The following MELK variants were observed in gnomAD, a reference collection of about 807,000 sequenced individuals.
The protein encoded by MELK is pEg3 kinase.
Under a neutral mutation model 85.0 loss-of-function variants are expected in MELK, and 81 were observed. The ratio of observed to expected loss-of-function variants is 0.95; its 90% CI spans 0.80 to 1.15. The LOEUF is 1.15. Ranked by LOEUF, MELK falls within the 50% of genes most tolerant of loss-of-function variation. The pLI, the probability that MELK is intolerant of heterozygous loss-of-function variation, is 0.00. For synonymous variants in MELK, 252 were observed against 265.0 expected, an observed-to-expected ratio of 0.95 and a Z score of 0.48; for missense variants, 754 against 777.5, an observed-to-expected ratio of 0.97 and a Z score of 0.36.
chr9:36,630,290 T>C lies in MELK; in HGVS notation c.667-9T>C. ...GAACCTGAATCTCTTAAATGCTTTG[T>C]TTTTGTAGAGAGGAAAATATGATGT... On this transcript the variant is annotated splice_polypyrimidine_tract_variant and intron_variant, in intron 8 of 17. Coordinates refer to ENST00000298048, the MANE Select transcript of MELK (RefSeq NM_014791.4). 6.2e-7 allele frequency: 1 copy of C among 1,607,520 alleles called. No homozygotes were observed. Among genetic ancestry groups the C allele is most frequent in the Non-Finnish European group, 8.5e-7 (1 of 1,174,412 alleles).
intron 8 of MELK, among the ~76,000 whole-genome samples, chr9:36,610,727 A>C (rs1825990106): frequency 6.6e-6 from 1 of 152,214 alleles, no homozygotes; most frequent in Non-Finnish European, 1.5e-5. Context: ...ATCAGGATAC[A>C]GGGGAGAGTA....
At chr9:36,626,231 A>C (rs975325247) in intron 8 of MELK, among the ~76,000 whole-genome samples, 13 of 152,148 alleles carry the variant, frequency 8.5e-5, no homozygotes, top group Admixed American at 5.2e-4. Context: ...GAAGCATGAC[A>C]AGATAACGAA....
At chr9:36,623,099 T>C (rs1022282849) in intron 8 of MELK, among the ~76,000 whole-genome samples, 1 of 152,230 alleles carries the variant, frequency 6.6e-6, no homozygotes, top group Non-Finnish European at 1.5e-5. Context: ...TGTCATGCAT[T>C]GTAGGATGTT....
At chr9:36,628,384 G>A (rs947985131) in intron 8 of MELK, among the ~76,000 whole-genome samples, 1 of 151,902 alleles carries the variant, frequency 6.6e-6, no homozygotes, top group Non-Finnish European at 1.5e-5. Context: ...TGTGACCTTT[G>A]GAAAAGGCTT....
intron 11 of MELK, among the ~76,000 whole-genome samples, chr9:36,645,313 C>G (rs1198885877): frequency 2.7e-5 from 4 of 149,816 alleles, no homozygotes; most frequent in African/African-American, 9.9e-5. Flanking sequence ...TTGAAAAAGT[C>G]TTTAAAATGG....
chr9:36,647,694 G>A (rs1486345514), intron 11 of MELK, among the ~76,000 whole-genome samples: 1 of 151,774 alleles, frequency 6.6e-6, no homozygotes, highest in Non-Finnish European at 1.5e-5. Flanking sequence ...TTACCATGTT[G>A]GCTGGGCTGG....
intron 8 of MELK, among the ~76,000 whole-genome samples, chr9:36,625,327 G>A (rs1402279802): frequency 1.3e-5 from 2 of 152,208 alleles, no homozygotes; most frequent in African/African-American, 4.8e-5. Flanking sequence ...CAAATAAGCA[G>A]TTTGCCAAGA....
At chr9:36,581,778 A>G (rs1025626172) in intron 2 of MELK, 39 bp downstream of exon 2, 5 of 1,489,060 alleles carry the variant, frequency 3.4e-6, no homozygotes, top group South Asian at 2.3e-5. Context: ...GGATAGATCA[A>G]CTATTTGAGA....
At chr9:36,670,675 G>A (rs759295449) in intron 15 of MELK, among the ~76,000 whole-genome samples, 1 of 151,520 alleles carries the variant, frequency 6.6e-6, no homozygotes, top group Non-Finnish European at 1.5e-5. Context: ...ATGAACAATT[G>A]TTGAATCTAG....
At position 36,579,384 on chromosome 9, in the gene MELK, G is replaced by C. The variant is rs180981439; in HGVS notation, c.-38-2260G>C. ...TTACTATGTTGGCCAGGCTGGTCCC[G>C]AACTCCTGACCTCGTGATCCGCCCA... On this transcript the variant is annotated intron_variant, in intron 1 of 17. Transcript: ENST00000298048. Among the ~76,000 whole-genome samples the C allele has an allele frequency of 8.4e-3, 1,284 of 152,256 alleles. 20 individuals carry two copies. The highest frequency in any genetic ancestry group is 0.03 in the African/African-American group (1,241 of 41,544).
intron 16 of MELK, among the ~76,000 whole-genome samples, chr9:36,673,412 ATATTT>A (rs929074602): frequency 2.0e-5 from 3 of 152,232 alleles, no homozygotes; most frequent in South Asian, 2.1e-4. Flanking sequence ...AAACTTGCAC[ATATTT>A]TATTTTATTT....
chr9:36,601,521 G>A (rs770725036), intron 7 of MELK, among the ~76,000 whole-genome samples: 2 of 152,106 alleles, frequency 1.3e-5, no homozygotes, highest in Admixed American at 6.6e-5. Context: ...TTTTCTGAAC[G>A]TTTATCATAG....
intron 5 of MELK, among the ~76,000 whole-genome samples, chr9:36,595,174 C>T (rs1824068059): frequency 1.3e-5 from 2 of 151,848 alleles, no homozygotes; most frequent in African/African-American, 2.4e-5. Flanking sequence ...CTCACTCCGT[C>T]GCCCAGGCTG....
At position 36,596,458 on chromosome 9, in the gene MELK, C is replaced by T. The variant is rs189080703; in HGVS notation, c.406-764C>T. 8.8e-3 allele frequency among the ~76,000 whole-genome samples: 1,343 copies of T among 151,914 alleles called. 10 individuals are homozygous for T. Among genetic ancestry groups the T allele is most frequent in the South Asian group, 0.016 (78 of 4,796 alleles). On this transcript the variant is annotated intron_variant, in intron 5 of 17. Transcript: ENST00000298048. ...ATTTTTAGTAGAGACGGGGTTTCAC[C>T]GTGTTAGCCAGGATGGTCTTGATCT...
chr9:36,661,719 G>C (rs1831835279), intron 13 of MELK, among the ~76,000 whole-genome samples: 1 of 152,106 alleles, frequency 6.6e-6, no homozygotes, highest in Non-Finnish European at 1.5e-5. Context: ...GGTGGATCAT[G>C]AGGTCAGGAG....
intron 16 of MELK, among the ~76,000 whole-genome samples, chr9:36,673,013 G>A (rs921031868): frequency 1.4e-4 from 21 of 151,910 alleles, no homozygotes; most frequent in Admixed American, 3.9e-4. Context: ...TACACTTACC[G>A]GAAGAGTTGC....
chr9:36,665,158 G>A (rs1193782236), intron 13 of MELK, among the ~76,000 whole-genome samples, 192 bp from the exon 14 acceptor site: 2 of 152,036 alleles, frequency 1.3e-5, no homozygotes, highest in African/African-American at 4.8e-5. Context: ...ACTGTCAATA[G>A]AACAGACTAA....
At position 36,594,866 on chromosome 9, in the gene MELK, G is replaced by A; in HGVS notation, c.405+95G>A. 6 of 1,356,272 alleles carry A rather than the reference G, an allele frequency of 4.4e-6. No individual in the cohort carries two copies. The South Asian group carries it at 1.1e-4, about 25-fold the overall frequency. The allele number at this position is 1,356,272 out of a possible 1,614,324, so 84.0% of individuals were successfully genotyped here. ...TGATCTGATTAGGAATCTATCTTTG[G>A]TTTGCTTTTTGTTGTTGTTGCTCCA... On this transcript the variant is annotated intron_variant, in intron 5 of 17. Coordinates refer to ENST00000298048, the MANE Select transcript of MELK (RefSeq NM_014791.4).
intron 10 of MELK, among the ~76,000 whole-genome samples, chr9:36,642,068 C>A (rs1034750793): frequency 1.3e-5 from 2 of 152,156 alleles, no homozygotes; most frequent in African/African-American, 4.8e-5. Flanking sequence ...CCATTTCCAG[C>A]CCTACCTTTA....
Sources: gnomAD v4.1 joint callset for allele counts (sites outside exome capture counted in the v4.1 genomes callset) on GRCh38, gnomAD v4.1.1 for gene constraint, MANE v1.5 for transcripts, NCBI Gene and HGNC (gene_info 2026-07-23, HGNC 2026-07-21) for gene names.